The following SLIT3 variants were observed in gnomAD, a reference collection of about 807,000 sequenced individuals.
SLIT3 encodes the protein slit homolog 3 protein.
SLIT3 carries 68 observed loss-of-function variants against 184.0 expected under a neutral mutation model. That is an observed-to-expected ratio of 0.37 (90% CI 0.30 to 0.45). SLIT3 has a LOEUF of 0.45. Among genes scored for constraint, SLIT3 ranks in the 20% least tolerant of loss-of-function variants. SLIT3 has a pLI of 1.00. For synonymous variants in SLIT3, 831 were observed against 828.6 expected (o/e 1.00, Z -0.05); for missense variants, 1,707 against 2,026.0 (o/e 0.84, Z 3.02).
chr5:168,830,858 C>T (rs1233373429), intron 6 of SLIT3, among the ~76,000 whole-genome samples: 1 of 152,218 alleles, frequency 6.6e-6, no homozygotes, highest in Non-Finnish European at 1.5e-5. Context: ...GTCACCTTTC[C>T]AGCTTCCACA....
chr5:169,272,600 T>C (rs929637624), intron 1 of SLIT3, among the ~76,000 whole-genome samples: 3 of 152,186 alleles, frequency 2.0e-5, no homozygotes, highest in South Asian at 2.1e-4. Flanking sequence ...AATGCACTGA[T>C]GTGATCGTGT....
At chr5:168,856,611 A>T (rs1758877762) in intron 5 of SLIT3, among the ~76,000 whole-genome samples, 2 of 152,116 alleles carry the variant, frequency 1.3e-5, no homozygotes, top group South Asian at 4.1e-4. Context: ...GGAAGGAGAA[A>T]AATCACCGCT....
intron 5 of SLIT3, among the ~76,000 whole-genome samples, chr5:168,846,117 C>A (rs115818084): frequency 1.3e-5 from 2 of 152,142 alleles, no homozygotes; most frequent in Middle Eastern, 6.3e-3. Context: ...ACAAATAAAA[C>A]GCAATAGAGT....
intron 4 of SLIT3, among the ~76,000 whole-genome samples, chr5:168,913,822 C>G (rs149251554): frequency 1.3e-5 from 2 of 152,012 alleles, no homozygotes. Context: ...CTTTCTCCCC[C>G]ACTCTGACCT....
At chr5:169,035,619 A>G (rs1327901373) in intron 4 of SLIT3, among the ~76,000 whole-genome samples, 2 of 146,600 alleles carry the variant, frequency 1.4e-5, no homozygotes, top group Non-Finnish European at 3.0e-5. Flanking sequence ...ACTGCACTCC[A>G]GCCTGGGTGA....
intron 1 of SLIT3, among the ~76,000 whole-genome samples, chr5:169,274,979 A>G (rs1009249182): frequency 3.3e-5 from 5 of 152,254 alleles, no homozygotes; most frequent in Admixed American, 6.5e-5. Context: ...TTTGAATATA[A>G]TAAGTGATCT....
At chr5:169,165,970 G>A (rs1410003630) in intron 4 of SLIT3, among the ~76,000 whole-genome samples, 1 of 152,148 alleles carries the variant, frequency 6.6e-6, no homozygotes, top group African/African-American at 2.4e-5. Context: ...TTGTTGATGG[G>A]ATGAAACCTA....
chr5:169,198,953 T>C lies in SLIT3; in HGVS notation c.342-5403A>G, dbSNP rs1039208677. 1.8e-3 allele frequency among the ~76,000 whole-genome samples: 254 copies of C among 142,166 alleles called. 2 individuals are homozygous for C. Among genetic ancestry groups the C allele is most frequent in the African/African-American group, 6.4e-3 (242 of 37,576 alleles). 93.3% of individuals were successfully genotyped at this position (142,166 alleles called of 152,430 possible). A position where few individuals can be genotyped will look rare whatever the true frequency, so the allele number is the denominator to read the frequency against. ...ACTCAAAAAACAAACAAACAAACTA[T>C]ACACACACACACACACACACACATA... On this transcript the variant is annotated intron_variant, in intron 3 of 35. Coordinates refer to ENST00000519560, the MANE Select transcript of SLIT3 (RefSeq NM_003062.4).
chr5:169,127,513 C>T (rs962517828), intron 4 of SLIT3, among the ~76,000 whole-genome samples: 3 of 152,130 alleles, frequency 2.0e-5, no homozygotes, highest in Non-Finnish European at 2.9e-5. Flanking sequence ...AGAACAAAAC[C>T]GGAAGAAGAT....
chr5:169,027,257 T>C (rs1756864623), intron 4 of SLIT3, among the ~76,000 whole-genome samples: 1 of 152,208 alleles, frequency 6.6e-6, no homozygotes, highest in African/African-American at 2.4e-5. Flanking sequence ...TCTGATTATT[T>C]TATCATTCCT....
At chr5:168,867,279 C>T (rs1477184222) in intron 5 of SLIT3, among the ~76,000 whole-genome samples, 1 of 152,120 alleles carries the variant, frequency 6.6e-6, no homozygotes, top group Non-Finnish European at 1.5e-5. Context: ...CTAGAGTAGG[C>T]CGGGGAAGGG....
In SLIT3 at chr5:168,793,982, C is replaced by T. The variant is rs141930407; in HGVS notation, c.1007+1525G>A. Among the ~76,000 whole-genome samples the T allele has an allele frequency of 7.9e-3, 1,197 of 152,332 alleles. 22 individuals are homozygous for T. Among genetic ancestry groups the T allele is most frequent in the African/African-American group, 0.027 (1,131 of 41,578 alleles). On this transcript the variant is annotated intron_variant, in intron 10 of 35. Transcript: ENST00000519560. The stretch of plus-strand genomic sequence containing the variant: ...ATGTTGGTTTCCACTTCTGGAATTG[C>T]ACCAGAAGAAAAGCTTGTTTGGTTT...
intron 3 of SLIT3, among the ~76,000 whole-genome samples, chr5:169,205,584 T>C (rs1764040320): frequency 6.6e-6 from 1 of 152,172 alleles, no homozygotes; most frequent in African/African-American, 2.4e-5. Flanking sequence ...AGTTGGTTGG[T>C]TCATCGGTTG....
At chr5:168,673,025 C>T in intron 33 of SLIT3, 152 bp downstream of exon 33, 1 of 717,036 alleles carries the variant, frequency 1.4e-6, no homozygotes, top group Non-Finnish European at 2.4e-6. Context: ...CCTCCATGGC[C>T]TGGCTAGTGC....
At chr5:168,759,174 C>G (rs1447334013) in intron 16 of SLIT3, among the ~76,000 whole-genome samples, 1 of 152,182 alleles carries the variant, frequency 6.6e-6, no homozygotes, top group Non-Finnish European at 1.5e-5. Flanking sequence ...TCAACCAGTA[C>G]TCACAGTAGT....
chr5:168,930,609 C>T (rs372414087), intron 4 of SLIT3, among the ~76,000 whole-genome samples: 1 of 152,028 alleles, frequency 6.6e-6, no homozygotes, highest in East Asian at 1.9e-4. Flanking sequence ...GTGTCTGGCA[C>T]ATAATAGGTA....
Position 168,751,203 on chromosome 5 carries a change from C to T in SLIT3, c.1974-1568G>A, listed in dbSNP as rs1247354592. On this transcript the variant is annotated intron_variant, in intron 18 of 35. Coordinates refer to ENST00000519560, the MANE Select transcript of SLIT3 (RefSeq NM_003062.4). ...CATGAGGGGCCAGATGACGTGGGGCCGGCCTTTAGGCCCTCCTCTAACTTC... is the reference window on the plus strand; with the variant it reads ...CATGAGGGGCCAGATGACGTGGGGCTGGCCTTTAGGCCCTCCTCTAACTTC... Among the ~76,000 whole-genome samples, 7 of 152,254 alleles carry T rather than the reference C, an allele frequency of 4.6e-5. No homozygotes were observed. In the South Asian group the frequency reaches 6.2e-4, roughly 14 times the overall value.
At chr5:168,965,475 G>C (rs1221836558) in intron 4 of SLIT3, among the ~76,000 whole-genome samples, 1 of 152,064 alleles carries the variant, frequency 6.6e-6, no homozygotes, top group Non-Finnish European at 1.5e-5. Flanking sequence ...AAATTACTTT[G>C]CCCATATAGC....
intron 4 of SLIT3, among the ~76,000 whole-genome samples, chr5:168,901,236 C>A (rs1454731412): frequency 6.6e-6 from 1 of 151,928 alleles, no homozygotes; most frequent in Non-Finnish European, 1.5e-5. Flanking sequence ...TGGCGGCGGG[C>A]GCCTGTAGTC....
Sources: allele counts gnomAD v4.1 joint callset (sites outside exome capture counted in the v4.1 genomes callset), GRCh38; gene constraint gnomAD v4.1.1; transcripts MANE v1.5; gene names NCBI Gene and HGNC (gene_info 2026-07-23, HGNC 2026-07-21).